The following DHX9 variants were observed in gnomAD, a reference collection of about 807,000 sequenced individuals.
DHX9 encodes the protein ATP-dependent RNA helicase A.
In DHX9, 27 loss-of-function variants were observed where a neutral mutation model predicts 148.7. The observed-to-expected ratio is 0.18, with a 90% confidence interval of 0.13 to 0.25. The LOEUF (loss-of-function observed/expected upper bound fraction) is 0.25, where lower values mean the gene tolerates loss of function less well. DHX9 is among the 10% of genes least tolerant of loss of function. The pLI is 1.00. For missense variants in DHX9, 796 were observed against 1,559.6 expected (o/e 0.51, Z 8.25); for synonymous variants, 529 against 516.6 (o/e 1.02, Z -0.33).
chr1:182,859,129 T>G lies in DHX9; in HGVS notation c.1140+12T>G. On this transcript the variant is annotated intron_variant, in intron 11 of 27. Transcript: ENST00000367549. ...ATGATTTGCAAGCAGTAAGTCTGAA[T>G]TATTTAGACAAGTAGTGCTCAGAGC... 6.2e-7 allele frequency: 1 copy of G among 1,611,020 alleles called. No homozygotes were observed. The highest frequency in any genetic ancestry group is 1.7e-4 in the Middle Eastern group (1 of 6,058).
intron 1 of DHX9, among the ~76,000 whole-genome samples, chr1:182,841,642 A>G (rs751512568): frequency 1.3e-5 from 2 of 152,258 alleles, no homozygotes; most frequent in African/African-American, 2.4e-5. Flanking sequence ...AAATGCATCA[A>G]ACGTGAAACG....
At chr1:182,883,426 G>C in intron 25 of DHX9, 58 bp downstream of exon 25, 1 of 1,583,556 alleles carries the variant, frequency 6.3e-7, no homozygotes, top group Admixed American at 1.7e-5. Context: ...ACAATCATTA[G>C]GAACATGAAT....
At chr1:182,842,717 G>C (rs1667954132) in intron 2 of DHX9, 40 bp downstream of exon 2, 1 of 1,501,664 alleles carries the variant, frequency 6.7e-7, no homozygotes, top group Non-Finnish European at 9.1e-7. Flanking sequence ...GATTTATGAG[G>C]TTCATTTTGG....
intron 7 of DHX9, among the ~76,000 whole-genome samples, chr1:182,857,831 A>G (rs1020323377): frequency 1.3e-5 from 2 of 152,190 alleles, no homozygotes; most frequent in Admixed American, 6.5e-5. Context: ...AACAGTGACA[A>G]CTTTGTTGAA....
At position 182,859,983 on chromosome 1, in the gene DHX9, T is replaced by C. The variant is rs1424186241; in HGVS notation, c.1141-10T>C. ...AGACATTTGACTGAAGTGTGACTTT[T>C]CTAATGCAGATCTTGCAGGAGAGAG... On this transcript the variant is annotated splice_polypyrimidine_tract_variant and intron_variant, in intron 11 of 27. Transcript: ENST00000367549. The C allele has an allele frequency of 1.9e-6, 3 of 1,602,462 alleles. No homozygotes were observed. The highest frequency in any genetic ancestry group is 1.3e-5 in the African/African-American group (1 of 74,500).
At chr1:182,886,291 G>A (rs529041696) in intron 27 of DHX9, among the ~76,000 whole-genome samples, 144 of 151,986 alleles carry the variant, frequency 9.5e-4, no homozygotes, top group South Asian at 1.7e-3. Flanking sequence ...TGCCTTCTGG[G>A]TTCAAGTGAT....
chr1:182,842,728 G>A, intron 2 of DHX9, 51 bp downstream of exon 2: 1 of 1,440,090 alleles, frequency 6.9e-7, no homozygotes, highest in Non-Finnish European at 9.5e-7. Flanking sequence ...TTCATTTTGG[G>A]GTTAAAAGAA....
At chr1:182,841,210 G>A (rs1667921009) in intron 1 of DHX9, among the ~76,000 whole-genome samples, 1 of 152,020 alleles carries the variant, frequency 6.6e-6, no homozygotes. Context: ...AGAATCGCTT[G>A]AACCTGGGAG....
At chr1:182,846,129 G>T (rs1002221304) in intron 3 of DHX9, among the ~76,000 whole-genome samples, 2 of 152,068 alleles carry the variant, frequency 1.3e-5, no homozygotes, top group East Asian at 3.9e-4. Flanking sequence ...GCTACCTAGG[G>T]CCTGCCAGCC....
At chr1:182,872,761 CTT>C (rs1479859261) in intron 15 of DHX9, among the ~76,000 whole-genome samples, 1 of 152,052 alleles carries the variant, frequency 6.6e-6, no homozygotes, top group Non-Finnish European at 1.5e-5. Context: ...TAAAGCCAAA[CTT>C]TTAAAAATTA....
intron 15 of DHX9, 109 bp downstream of exon 15, chr1:182,872,602 A>G (rs41272524): frequency 8.4e-7 from 1 of 1,195,012 alleles, no homozygotes; most frequent in Non-Finnish European, 1.2e-6. Flanking sequence ...ATACAGGACA[A>G]ATTATAGTAT....
chr1:182,846,940 AT>A (rs1668042684), intron 3 of DHX9, among the ~76,000 whole-genome samples: 4 of 150,760 alleles, frequency 2.7e-5, no homozygotes, highest in Admixed American at 2.6e-4. Flanking sequence ...AAATTGAATA[AT>A]TTTTATTGAT....
intron 3 of DHX9, among the ~76,000 whole-genome samples, chr1:182,847,473 A>T (rs1668053593): frequency 6.6e-6 from 1 of 152,088 alleles, no homozygotes; most frequent in African/African-American, 2.4e-5. Flanking sequence ...CAGTTTTCTG[A>T]TCATTTAGGA....
chr1:182,863,492 A>G (rs1052641303), intron 12 of DHX9, among the ~76,000 whole-genome samples: 5 of 152,246 alleles, frequency 3.3e-5, no homozygotes, highest in African/African-American at 1.2e-4. Context: ...GAATATGTAT[A>G]TATTCCTTAT....
intron 20 of DHX9, among the ~76,000 whole-genome samples, chr1:182,878,918 T>C (rs1362309716): frequency 2.0e-5 from 3 of 152,222 alleles, no homozygotes; most frequent in African/African-American, 4.8e-5. Flanking sequence ...CAAAAAGTCT[T>C]GTTGTCGTTT....
chr1:182,844,223 A>G (rs546699790), intron 3 of DHX9, among the ~76,000 whole-genome samples: 1 of 152,326 alleles, frequency 6.6e-6, no homozygotes, highest in African/African-American at 2.4e-5. Context: ...AAGTGCTGGG[A>G]TCACAGGCAT....
intron 27 of DHX9, 87 bp downstream of exon 27, chr1:182,884,900 C>A: frequency 7.9e-7 from 1 of 1,267,722 alleles, no homozygotes; most frequent in Non-Finnish European, 1.1e-6. Flanking sequence ...TGATAGAAGC[C>A]CTATTACTTA....
Position 182,867,766 on chromosome 1 carries a change from G to A in DHX9, c.1557+723G>A, listed in dbSNP as rs535058626. 2.6e-5 allele frequency among the ~76,000 whole-genome samples: 4 copies of A among 152,296 alleles called. No individual in the cohort carries two copies. The South Asian group carries it at 6.2e-4, about 24-fold the overall frequency. ...AGCTCTGATCTTTTCAGATGTTAAT[G>A]AGAATCATGCCAAAAATTAGGAAGA... On this transcript the variant is annotated intron_variant, in intron 14 of 27. Coordinates refer to ENST00000367549, the MANE Select transcript of DHX9 (RefSeq NM_001357.5).
At chr1:182,843,600 G>C (rs546027774) in intron 3 of DHX9, among the ~76,000 whole-genome samples, 166 bp downstream of exon 3, 1 of 152,308 alleles carries the variant, frequency 6.6e-6, no homozygotes, top group East Asian at 1.9e-4. Context: ...AATTTCTGAA[G>C]ATGTGGATTG....
Sources: allele counts gnomAD v4.1 joint callset (sites outside exome capture counted in the v4.1 genomes callset), GRCh38; gene constraint gnomAD v4.1.1; transcripts MANE v1.5; gene names NCBI Gene and HGNC (gene_info 2026-07-23, HGNC 2026-07-21).